The following TMEM222 variants were observed in gnomAD, a reference collection of about 807,000 sequenced individuals.
The protein encoded by TMEM222 is chromosome 1 open reading frame 160.
A neutral mutation model predicts 25.1 loss-of-function variants in TMEM222; 18 were observed. The observed-to-expected ratio is 0.72, with a 90% confidence interval of 0.50 to 1.06. The LOEUF (loss-of-function observed/expected upper bound fraction) is 1.06. Ranked by LOEUF, TMEM222 falls within the 50% of genes least tolerant of loss-of-function variation. TMEM222 has a pLI of 0.00. For missense variants in TMEM222, 296 were observed against 293.7 expected (o/e 1.01, Z -0.06); for synonymous variants, 131 against 117.9 (o/e 1.11, Z -0.72).
chr1:27,334,919 C>G, intron 5 of TMEM222: 1 of 731,198 alleles, frequency 1.4e-6, no homozygotes, highest in East Asian at 8.4e-5. Flanking sequence ...ACCCCTGGCT[C>G]CCAGCTGCTT....
At chr1:27,329,909 C>T (rs1468529769) in intron 1 of TMEM222, among the ~76,000 whole-genome samples, 2 of 151,676 alleles carry the variant, frequency 1.3e-5, no homozygotes, top group Non-Finnish European at 2.9e-5. Flanking sequence ...CGAGACCAGC[C>T]TGGCCAACGT....
intron 1 of TMEM222, chr1:27,325,901 A>T: frequency 1.4e-6 from 1 of 719,414 alleles, no homozygotes; most frequent in African/African-American, 1.7e-5. Context: ...CGAAAATGGA[A>T]TAAGCCTTCG....
At chr1:27,330,044 G>T (rs1460807984) in intron 1 of TMEM222, among the ~76,000 whole-genome samples, 1 of 151,300 alleles carries the variant, frequency 6.6e-6, no homozygotes, top group African/African-American at 2.4e-5. Context: ...GGAGGTTGCA[G>T]TGAGCTGAGA....
chr1:27,322,356 C>G lies in TMEM222; in HGVS notation c.159C>G (p.Pro53=). ...TGGATGTGGAACGGAGTCGCTTCCC[C>G]TACTGCGTGGTGTGGACGCCCATCC... ...VAMDVERSRF[P]YCVVWTPIPV... Residue 53 remains proline (P), a synonymous_variant, in exon 1 of 6, where the codon CCC becomes CCG. Transcript: ENST00000374076. 1 of 1,510,628 alleles carries G rather than the reference C, an allele frequency of 6.6e-7. No homozygotes were observed. The highest frequency in any genetic ancestry group is 2.6e-5 in the East Asian group (1 of 38,882). 93.6% of individuals were successfully genotyped at this position (1,510,628 alleles called of 1,614,324 possible).
intron 5 of TMEM222, chr1:27,335,003 C>T (rs907271148): frequency 9.1e-6 from 3 of 329,306 alleles, no homozygotes; most frequent in African/African-American, 2.1e-5. Flanking sequence ...AGTCCATAGG[C>T]AGAGGGCACA....
intron 3 of TMEM222, chr1:27,332,869 C>A: frequency 3.2e-6 from 1 of 314,500 alleles, no homozygotes; most frequent in Admixed American, 4.3e-5. Flanking sequence ...GTTTTAAGGG[C>A]ATCATTTTCC....
chr1:27,327,706 C>T (rs996689333), intron 1 of TMEM222, among the ~76,000 whole-genome samples: 8 of 151,986 alleles, frequency 5.3e-5, no homozygotes, highest in Non-Finnish European at 7.4e-5. Context: ...ACTGCAGCCT[C>T]AACTTCCTGG....
chr1:27,334,126 T>G, intron 4 of TMEM222, 25 bp from the exon 5 acceptor site: 1 of 1,614,110 alleles, frequency 6.2e-7, no homozygotes, highest in South Asian at 1.1e-5. Context: ...CAGCCCATCC[T>G]GACCAGCCCT....
intron 3 of TMEM222, chr1:27,332,538 G>C (rs1333207659): frequency 1.4e-6 from 1 of 717,794 alleles, no homozygotes; most frequent in Non-Finnish European, 2.6e-6. Flanking sequence ...TGGTTGGAGA[G>C]AATAAAAACC....
chr1:27,334,631 G>A (rs767237020), intron 5 of TMEM222: 17 of 1,438,116 alleles, frequency 1.2e-5, no homozygotes, highest in Admixed American at 1.1e-4. Context: ...CCGGTAAAGT[G>A]AGCAGATAGA....
Position 27,322,178 on chromosome 1 carries a change from C to T in TMEM222, c.-20C>T, listed in dbSNP as rs764154461. On this transcript the variant is annotated 5_prime_UTR_variant, in exon 1 of 6. Transcript: ENST00000374076. ...GAGCGGCACCAGAGCCGGGGCCAGT[C>T]GGAGCGGGGCGCGCGCCGCATGGCG... 5.8e-6 allele frequency: 8 copies of T among 1,374,060 alleles called. No individual in the cohort carries two copies. In the African/African-American group the frequency reaches 1.2e-4, roughly 21 times the overall value. 85.1% of individuals were successfully genotyped at this position (1,374,060 alleles called of 1,614,324 possible). A position where few individuals can be genotyped will look rare whatever the true frequency, so the allele number is the denominator to read the frequency against.
rs2014551711 is a variant in TMEM222, at chr1:27,334,227, A to G, written c.485A>G (p.Asn162Ser). The G allele has an allele frequency of 6.2e-7, 1 of 1,614,208 alleles. No homozygotes were observed. Among genetic ancestry groups the G allele is most frequent in the African/African-American group, 1.3e-5 (1 of 75,056 alleles). ...LNLMRYNNSTNWNMVTLCFFC... is the reference protein window; with the variant it reads ...LNLMRYNNSTSWNMVTLCFFC... ...CTGATGCGCTACAACAACAGCACCA[A>G]CTGGAATATGGTGACGCTCTGCTTC... Residue 162 changes from asparagine (N) to serine (S), a missense_variant, in exon 5 of 6, where the codon AAC becomes AGC. Physicochemically the swap from Asn to Ser is conservative, Grantham distance 46. Transcript: ENST00000374076.
At chr1:27,325,398 G>A (rs2014316595) in intron 1 of TMEM222, 1 of 1,042,548 alleles carries the variant, frequency 9.6e-7, no homozygotes, top group African/African-American at 1.6e-5. Flanking sequence ...CAAGCTGCCG[G>A]ATGGCCAGGT....
Position 27,335,641 on chromosome 1 carries a change from T to G in TMEM222, c.*175T>G. On this transcript the variant is annotated 3_prime_UTR_variant, in exon 6 of 6. Transcript: ENST00000374076. ...AGGACCAGCATGAAGTGGGGGTTTG[T>G]TGTCTCCCTGCCTCTCAGAAGCACC... 1.6e-6 allele frequency: 1 copy of G among 638,538 alleles called. No individual in the cohort carries two copies. Among genetic ancestry groups the G allele is most frequent in the Non-Finnish European group, 2.8e-6 (1 of 362,334 alleles). The allele number at this position is 638,538 out of a possible 1,614,324, so 39.6% of individuals were successfully genotyped here.
chr1:27,332,587 A>G (rs1464979671), intron 3 of TMEM222: 3 of 709,814 alleles, frequency 4.2e-6, no homozygotes, highest in Non-Finnish European at 7.9e-6. Flanking sequence ...TTGGTTTGGG[A>G]CATTTGGTCT....
chr1:27,330,880 C>G (rs1437695883), intron 2 of TMEM222, 76 bp downstream of exon 2: 11 of 1,596,834 alleles, frequency 6.9e-6, no homozygotes, highest in Non-Finnish European at 7.7e-6. Flanking sequence ...TGCAGGCAGG[C>G]TTCGTCTCCC....
chr1:27,328,646 T>C (rs1448239224), intron 1 of TMEM222, among the ~76,000 whole-genome samples: 1 of 152,238 alleles, frequency 6.6e-6, no homozygotes, highest in East Asian at 1.9e-4. Context: ...GGTACAGCAG[T>C]AGCCCCTGAG....
chr1:27,322,246 C>G lies in TMEM222; in HGVS notation c.49C>G (p.Pro17Ala), dbSNP rs759671456. Reference protein sequence around the residue: ...SSLLLLPPPPPPPRMAEVEAP... With the variant: ...SSLLLLPPPPAPPRMAEVEAP... ...TCTGCTCTTGTTGCCGCCGCCGCCA[C>G]CCCCGCCCAGGATGGCGGAAGTGGA... The change falls in exon 1 of 6, where the codon CCC becomes GCC. Residue 17 changes from proline to alanine, a missense_variant. Transcript: ENST00000374076. The G allele has an allele frequency of 1.2e-5, 18 of 1,487,916 alleles. No individual in the cohort carries two copies. The allele number at this position is 1,487,916 out of a possible 1,614,324, so 92.2% of individuals were successfully genotyped here.
chr1:27,334,420 G>T, intron 5 of TMEM222, 139 bp downstream of exon 5: 1 of 1,403,130 alleles, frequency 7.1e-7, no homozygotes. Context: ...GGTGGTTCTA[G>T]AGTGACGAGC....
Sources: gnomAD v4.1 joint callset for allele counts (sites outside exome capture counted in the v4.1 genomes callset) on GRCh38, gnomAD v4.1.1 for gene constraint, MANE v1.5 for transcripts, NCBI Gene and HGNC (gene_info 2026-07-23, HGNC 2026-07-21) for gene names.